SMIM13: variants seen among roughly 807,000 people sequenced by gnomAD.
SMIM13 encodes the protein small integral membrane protein 13, also known as UPF0766 protein C6orf228.
SMIM13 carries 3 observed loss-of-function variants against 5.9 expected under a neutral mutation model. The observed-to-expected ratio is 0.51, with a 90% CI of 0.23 to 1.31. The LOEUF is 1.31. Ranked by LOEUF, SMIM13 falls within the 40% of genes most tolerant of loss-of-function variation. SMIM13 has a pLI of 0.18. For missense variants in SMIM13, 85 were observed against 109.9 expected (o/e 0.77, Z 1.01); for synonymous variants, 55 against 46.0 (o/e 1.19, Z -0.79).
At chr6:11,104,085 A>G (rs1758043513) in intron 1 of SMIM13, 7 of 1,551,716 alleles carry the variant, frequency 4.5e-6, no homozygotes, top group Non-Finnish European at 6.1e-6. Flanking sequence ...TACGGCTGCT[A>G]AAGAGTCGAT....
intron 1 of SMIM13, among the ~76,000 whole-genome samples, chr6:11,129,618 G>A (rs1581921344): frequency 1.3e-5 from 2 of 152,126 alleles, no homozygotes; most frequent in Admixed American, 1.3e-4. Flanking sequence ...GTTCTTGGTG[G>A]CTGTGTCAAA....
At chr6:11,106,973 T>A (rs1758093953) in intron 1 of SMIM13, among the ~76,000 whole-genome samples, 1 of 152,234 alleles carries the variant, frequency 6.6e-6, no homozygotes, top group Admixed American at 6.5e-5. Context: ...TCCCCTAGTT[T>A]AGGGCTTTCG....
Position 11,138,642 on chromosome 6 carries a change from T to A in SMIM13, c.*4040T>A, listed in dbSNP as rs1758544529. On this transcript the variant is annotated 3_prime_UTR_variant, in exon 2 of 2. Transcript: ENST00000416247. ...TAAATGATCATTCACTGTTTTTGTT[T>A]TAAAACTGGTCAGTACTATGAAGCT... The A allele has an allele frequency of 6.6e-6, 1 of 152,186 alleles. No homozygotes were observed. Among genetic ancestry groups the A allele is most frequent in the Non-Finnish European group, 1.5e-5 (1 of 68,016 alleles). The allele number at this position is 152,186 out of a possible 1,614,324, so 9.4% of individuals were successfully genotyped here.
intron 1 of SMIM13, among the ~76,000 whole-genome samples, chr6:11,124,679 C>T (rs1758353168): frequency 6.6e-6 from 1 of 152,158 alleles, no homozygotes; most frequent in African/African-American, 2.4e-5. Flanking sequence ...CACCAGCAAT[C>T]GTTATTGTCT....
chr6:11,103,953 C>T, intron 1 of SMIM13: 4 of 1,551,664 alleles, frequency 2.6e-6, no homozygotes, highest in Non-Finnish European at 3.5e-6. Flanking sequence ...TAGGAGTTGT[C>T]TGATGTTGTC....
chr6:11,110,803 G>A (rs1023705538), intron 1 of SMIM13, among the ~76,000 whole-genome samples: 2 of 152,184 alleles, frequency 1.3e-5, no homozygotes, highest in Non-Finnish European at 2.9e-5. Flanking sequence ...GGAGGACTTG[G>A]TGTTTGGGAT....
chr6:11,120,203 T>C (rs1758292160), intron 1 of SMIM13, among the ~76,000 whole-genome samples: 1 of 152,248 alleles, frequency 6.6e-6, no homozygotes, highest in African/African-American at 2.4e-5. Flanking sequence ...GTAGTTATAC[T>C]GCACCTGGGC....
rs1758029807 is a variant in SMIM13 at position 11,103,516 on chromosome 6, CT to C, written c.76+9128del. The C allele has an allele frequency of 5.5e-6, 5 of 911,632 alleles. No homozygotes were observed. The East Asian group carries it at 1.3e-4, about 25-fold the overall frequency. 56.5% of individuals were successfully genotyped at this position (911,632 alleles called of 1,614,324 possible). A position where few individuals can be genotyped will look rare whatever the true frequency, so the allele number is the denominator to read the frequency against. On this transcript the variant is annotated intron_variant, in intron 1 of 1. Coordinates refer to ENST00000416247, the MANE Select transcript of SMIM13 (RefSeq NM_001135575.2). ...ATGGACGAAGGTCAGTCTTCTTTAACTGCTTCCTGCTGACAGAGGGGCTGTA... is the reference window on the plus strand; with the variant it reads ...ATGGACGAAGGTCAGTCTTCTTTAACGCTTCCTGCTGACAGAGGGGCTGTA...
intron 1 of SMIM13, among the ~76,000 whole-genome samples, chr6:11,095,473 G>A (rs1375629903): frequency 2.0e-5 from 3 of 152,174 alleles, no homozygotes; most frequent in Non-Finnish European, 4.4e-5. Context: ...AGACTCTCGA[G>A]TAGCTGTAGC....
At chr6:11,133,984 G>A (rs1043792947) in intron 1 of SMIM13, among the ~76,000 whole-genome samples, 1 of 151,630 alleles carries the variant, frequency 6.6e-6, no homozygotes, top group African/African-American at 2.4e-5. Context: ...TGCTGTTTAA[G>A]GCCTTATGGA....
intron 1 of SMIM13, among the ~76,000 whole-genome samples, chr6:11,113,412 C>T (rs893413865): frequency 4.6e-5 from 7 of 152,136 alleles, no homozygotes; most frequent in African/African-American, 1.7e-4. Flanking sequence ...GCCATTCTTT[C>T]TACCTTCTGT....
In SMIM13 at chr6:11,138,303, C is replaced by T. The variant is rs1758540232; in HGVS notation, c.*3701C>T. 6.6e-6 allele frequency: 1 copy of T among 152,154 alleles called. No homozygotes were observed. The highest frequency in any genetic ancestry group is 2.4e-5 in the African/African-American group (1 of 41,444). 9.4% of individuals were successfully genotyped at this position (152,154 alleles called of 1,614,324 possible). A position where few individuals can be genotyped will look rare whatever the true frequency, so the allele number is the denominator to read the frequency against. On this transcript the variant is annotated 3_prime_UTR_variant, in exon 2 of 2. Coordinates refer to ENST00000416247, the MANE Select transcript of SMIM13 (RefSeq NM_001135575.2). ...TTGTATTGTCTGCTTCTAAAGTGTC[C>T]TATAGTTTTTAACTTAAAGTGTAAA...
chr6:11,129,555 G>T lies in SMIM13; in HGVS notation c.77-4848G>T, dbSNP rs542738454. ...CTTTTGGATGTATAAACCAACAGTA[G>T]AACTGCTGGATCATATGGTAAATCT... On this transcript the variant is annotated intron_variant, in intron 1 of 1. Coordinates refer to ENST00000416247, the MANE Select transcript of SMIM13 (RefSeq NM_001135575.2). Among the ~76,000 whole-genome samples the T allele has an allele frequency of 2.0e-5, 3 of 152,252 alleles. No individual in the cohort carries two copies. The East Asian group carries it at 5.8e-4, about 29-fold the overall frequency.
chr6:11,112,253 G>A (rs9468435), intron 1 of SMIM13, among the ~76,000 whole-genome samples: 28,691 of 151,346 alleles, frequency 0.19, 3,090 homozygotes, highest in African/African-American at 0.29. Flanking sequence ...TGATAGAACT[G>A]CTTGCTTTTT....
chr6:11,096,419 C>A (rs1403915722), intron 1 of SMIM13, among the ~76,000 whole-genome samples: 1 of 152,154 alleles, frequency 6.6e-6, no homozygotes, highest in Non-Finnish European at 1.5e-5. Flanking sequence ...CTGGAGAGCC[C>A]TGTGCTAGGA....
At chr6:11,102,201 T>C (rs1327128595) in intron 1 of SMIM13, among the ~76,000 whole-genome samples, 2 of 152,252 alleles carry the variant, frequency 1.3e-5, no homozygotes, top group African/African-American at 2.4e-5. Context: ...ATTATGTTTC[T>C]GTCCAGAATT....
intron 1 of SMIM13, among the ~76,000 whole-genome samples, chr6:11,116,029 T>C (rs113229641): frequency 9.7e-6 from 1 of 103,606 alleles, no homozygotes; most frequent in African/African-American, 4.4e-5. Flanking sequence ...TTTTTTTTTT[T>C]TTTTTTTTGA....
At position 11,103,864 on chromosome 6, in the gene SMIM13, C is replaced by T. The variant is rs79262054; in HGVS notation, c.76+9475C>T. The T allele has an allele frequency of 2.8e-5, 43 of 1,551,678 alleles. No individual in the cohort carries two copies. In the Middle Eastern group the frequency reaches 5.0e-4, roughly 18 times the overall value. ...ACAAGTGGGCCTGTAAGGGGAAGAA[C>T]CCAAGAGAACCATTTCCAAGTTCCT... On this transcript the variant is annotated intron_variant, in intron 1 of 1. Coordinates refer to ENST00000416247, the MANE Select transcript of SMIM13 (RefSeq NM_001135575.2).
At position 11,134,927 on chromosome 6, in the gene SMIM13, A is replaced by G. The variant is rs892176653; in HGVS notation, c.*325A>G. ...CCATATTTTGTTAGCCCTAAAATGT[A>G]CATTTTTCTTCCCATTTTAACTTAT... On this transcript the variant is annotated 3_prime_UTR_variant, in exon 2 of 2. Coordinates refer to ENST00000416247, the MANE Select transcript of SMIM13 (RefSeq NM_001135575.2). 1.2e-5 allele frequency: 2 copies of G among 173,872 alleles called. No homozygotes were observed. The highest frequency in any genetic ancestry group is 3.0e-4 in the East Asian group (2 of 6,724). The allele number at this position is 173,872 out of a possible 1,614,324, so 10.8% of individuals were successfully genotyped here.
Sources: allele counts gnomAD v4.1 joint callset (sites outside exome capture counted in the v4.1 genomes callset), GRCh38; gene constraint gnomAD v4.1.1; transcripts MANE v1.5; gene names NCBI Gene and HGNC (gene_info 2026-07-23, HGNC 2026-07-21).